Variants in RBFOX1 observed in about 807,000 individuals in gnomAD.
RBFOX1 encodes the protein RNA binding protein fox-1 homolog 1.
In RBFOX1, 8 loss-of-function variants were observed where a neutral mutation model predicts 57.7. The observed-to-expected ratio is 0.14, with a 90% CI of 0.08 to 0.25. RBFOX1 has a LOEUF of 0.25. RBFOX1 is among the 10% of genes least tolerant of loss of function. The pLI is 1.00. For missense variants in RBFOX1, 611 were observed against 548.5 expected, an observed-to-expected ratio of 1.11 and a Z score of -1.14; for synonymous variants, 326 against 222.4, an observed-to-expected ratio of 1.47 and a Z score of -4.15.
At chr16:6,804,512 C>G (rs1041834508) in intron 3 of RBFOX1, among the ~76,000 whole-genome samples, 1 of 152,258 alleles carries the variant, frequency 6.6e-6, no homozygotes, top group Non-Finnish European at 1.5e-5. Flanking sequence ...CATAAATAAT[C>G]TTCATCCTAC....
At chr16:7,466,549 T>C (rs1205973719) in intron 4 of RBFOX1, among the ~76,000 whole-genome samples, 2 of 152,208 alleles carry the variant, frequency 1.3e-5, no homozygotes, top group African/African-American at 4.8e-5. Flanking sequence ...TGCCTTCATC[T>C]GAGCCTCCCC....
chr16:6,033,189 T>C (rs1408531960), intron 1 of RBFOX1, among the ~76,000 whole-genome samples: 2 of 152,196 alleles, frequency 1.3e-5, no homozygotes, highest in Non-Finnish European at 2.9e-5. Context: ...AGGAAAAAGA[T>C]TCACTCAAAT....
At chr16:5,501,263 A>G (rs2043184466) in intron 2 of RBFOX1, among the ~76,000 whole-genome samples, 1 of 133,442 alleles carries the variant, frequency 7.5e-6, no homozygotes, top group African/African-American at 2.8e-5. Flanking sequence ...GGTTGCAGTG[A>G]GTTGAGATTG....
intron 3 of RBFOX1, among the ~76,000 whole-genome samples, chr16:5,771,608 C>G (rs1288564850): frequency 6.6e-6 from 1 of 152,082 alleles, no homozygotes; most frequent in Non-Finnish European, 1.5e-5. Context: ...GGGGTTTCAC[C>G]TTGCTGCCCA....
At chr16:6,766,785 G>A (rs1311413765) in intron 3 of RBFOX1, among the ~76,000 whole-genome samples, 1 of 151,998 alleles carries the variant, frequency 6.6e-6, no homozygotes, top group Non-Finnish European at 1.5e-5. Flanking sequence ...GTCTTCATAT[G>A]GGCTTCCGTT....
intron 4 of RBFOX1, among the ~76,000 whole-genome samples, chr16:7,487,569 T>C (rs947440114): frequency 2.6e-5 from 4 of 152,192 alleles, no homozygotes; most frequent in African/African-American, 9.7e-5. Context: ...AGAATTCTCA[T>C]CTGCCATCTC....
intron 1 of RBFOX1, among the ~76,000 whole-genome samples, chr16:6,203,051 T>G (rs1365058814): frequency 6.6e-6 from 1 of 151,998 alleles, no homozygotes. Flanking sequence ...GCTGAGATTA[T>G]AGGTGTGAGC....
At chr16:7,038,779 T>C (rs34197265) in intron 3 of RBFOX1, among the ~76,000 whole-genome samples, 14,654 of 152,148 alleles carry the variant, frequency 0.096, 1,160 homozygotes, top group East Asian at 0.32. Context: ...GATTAATCTG[T>C]CTGGACCTGG....
intron 4 of RBFOX1, among the ~76,000 whole-genome samples, chr16:7,403,132 T>C (rs1172672541): frequency 6.6e-6 from 1 of 152,172 alleles, no homozygotes; most frequent in Admixed American, 6.5e-5. Context: ...TTATGTACAT[T>C]TAAGGTATAC....
chr16:7,441,224 T>C (rs2098763757), intron 4 of RBFOX1, among the ~76,000 whole-genome samples: 2 of 152,184 alleles, frequency 1.3e-5, no homozygotes. Context: ...CGATTCGACC[T>C]CTGAAAGCTC....
At chr16:6,195,892 A>G (rs1257649388) in intron 1 of RBFOX1, among the ~76,000 whole-genome samples, 4 of 152,182 alleles carry the variant, frequency 2.6e-5, no homozygotes, top group African/African-American at 7.2e-5. Context: ...TGATCCTAAC[A>G]CATCTCCAGA....
chr16:7,142,561 T>C (rs772201595), intron 4 of RBFOX1, among the ~76,000 whole-genome samples: 5 of 152,346 alleles, frequency 3.3e-5, no homozygotes, highest in South Asian at 2.1e-4. Context: ...TTCTTAGCCA[T>C]TGGGCTGTGC....
At chr16:5,928,651 C>A (rs533480242) in intron 4 of RBFOX1, among the ~76,000 whole-genome samples, 4 of 151,158 alleles carry the variant, frequency 2.6e-5, no homozygotes, top group African/African-American at 9.7e-5. Flanking sequence ...ACACCAGAGC[C>A]GATGCTGACC....
intron 2 of RBFOX1, among the ~76,000 whole-genome samples, chr16:6,642,122 G>C (rs1340924793): frequency 2.6e-5 from 4 of 152,200 alleles, no homozygotes; most frequent in Non-Finnish European, 4.4e-5. Context: ...AATGAAAAGA[G>C]ACGCCAAGCC....
At chr16:6,383,602 G>A (rs941173692) in intron 2 of RBFOX1, among the ~76,000 whole-genome samples, 16 of 152,002 alleles carry the variant, frequency 1.1e-4, no homozygotes, top group Admixed American at 3.3e-4. Context: ...GTGAAACCCC[G>A]TGTCTACTGA....
chr16:6,199,765 G>A (rs903998589), intron 1 of RBFOX1, among the ~76,000 whole-genome samples: 1 of 152,128 alleles, frequency 6.6e-6, no homozygotes. Flanking sequence ...ATAGACAGGG[G>A]CTCACAGTAT....
chr16:7,147,964 T>G (rs759812496), intron 4 of RBFOX1, among the ~76,000 whole-genome samples: 4 of 152,186 alleles, frequency 2.6e-5, no homozygotes, highest in Non-Finnish European at 5.9e-5. Context: ...CAAGGAGTAA[T>G]GCCTAGTTAG....
chr16:7,121,198 C>G (rs1159992002), intron 4 of RBFOX1, among the ~76,000 whole-genome samples: 1 of 151,996 alleles, frequency 6.6e-6, no homozygotes, highest in East Asian at 1.9e-4. Context: ...TCCATTAGAG[C>G]AGGAACAAGG....
intron 2 of RBFOX1, among the ~76,000 whole-genome samples, chr16:6,351,914 T>C (rs970340132): frequency 6.6e-6 from 1 of 152,156 alleles, no homozygotes; most frequent in Non-Finnish European, 1.5e-5. Context: ...ATTCCACCAA[T>C]GGGGAGTATA....
Sources: gnomAD v4.1 joint callset for allele counts (sites outside exome capture counted in the v4.1 genomes callset) on GRCh38, gnomAD v4.1.1 for gene constraint, MANE v1.5 for transcripts, NCBI Gene and HGNC (gene_info 2026-07-23, HGNC 2026-07-21) for gene names.